The following PTPRZ1 variants were observed in gnomAD, a reference collection of about 807,000 sequenced individuals.
PTPRZ1 encodes receptor-type tyrosine-protein phosphatase zeta.
Under a neutral mutation model 214.1 loss-of-function variants are expected in PTPRZ1, and 82 were observed. The observed-to-expected ratio is 0.38, with a 90% CI of 0.32 to 0.46. The LOEUF is 0.46. PTPRZ1 is among the 20% of genes least tolerant of loss of function. The pLI is 1.00. For missense variants in PTPRZ1, 2,603 were observed against 2,748.7 expected, an observed-to-expected ratio of 0.95 and a Z score of 1.19; for synonymous variants, 945 against 987.9, an observed-to-expected ratio of 0.96 and a Z score of 0.81.
chr7:121,919,833 T>C (rs1472518129), intron 1 of PTPRZ1, among the ~76,000 whole-genome samples: 1 of 143,956 alleles, frequency 6.9e-6, no homozygotes, highest in African/African-American at 2.7e-5. Flanking sequence ...TTTTTAGTAA[T>C]TGATTAACCA....
chr7:121,949,977 T>C (rs1796503054), intron 2 of PTPRZ1, among the ~76,000 whole-genome samples: 1 of 152,208 alleles, frequency 6.6e-6, no homozygotes, highest in Admixed American at 6.5e-5. Context: ...AATTGAACTG[T>C]ATTAGCCCAT....
At chr7:122,027,899 G>C (rs544162552) in intron 13 of PTPRZ1, among the ~76,000 whole-genome samples, 5 of 152,192 alleles carry the variant, frequency 3.3e-5, no homozygotes, top group African/African-American at 2.4e-5. Context: ...CCTATTTTTG[G>C]TTGTATGCTC....
chr7:121,891,626 A>G (rs565562295), intron 1 of PTPRZ1, among the ~76,000 whole-genome samples: 2 of 151,758 alleles, frequency 1.3e-5, no homozygotes, highest in Non-Finnish European at 2.9e-5. Context: ...TGCAAACATC[A>G]TATAATCACA....
intron 3 of PTPRZ1, among the ~76,000 whole-genome samples, chr7:121,969,989 C>A (rs529214798): frequency 7.5e-6 from 1 of 133,596 alleles, no homozygotes; most frequent in African/African-American, 2.8e-5. Context: ...GTGTGATGTT[C>A]CCCTTCCTGT....
At chr7:122,035,042 TC>T in intron 17 of PTPRZ1, among the ~76,000 whole-genome samples, 1 of 152,228 alleles carries the variant, frequency 6.6e-6, no homozygotes, top group South Asian at 2.1e-4. Context: ...CCCCTTCATC[TC>T]CTAAAATTCA....
intron 1 of PTPRZ1, among the ~76,000 whole-genome samples, chr7:121,912,015 TAAA>T (rs1283750160): frequency 6.6e-6 from 1 of 152,074 alleles, no homozygotes; most frequent in Non-Finnish European, 1.5e-5. Flanking sequence ...ATATTTGAAA[TAAA>T]AAATTATGAT....
At chr7:121,891,977 C>T (rs1197701028) in intron 1 of PTPRZ1, among the ~76,000 whole-genome samples, 1 of 152,102 alleles carries the variant, frequency 6.6e-6, no homozygotes, top group Non-Finnish European at 1.5e-5. Flanking sequence ...AATGTAAATA[C>T]AAATTTGTTA....
At chr7:121,911,908 C>T (rs1049665823) in intron 1 of PTPRZ1, among the ~76,000 whole-genome samples, 50 of 151,526 alleles carry the variant, frequency 3.3e-4, no homozygotes, top group African/African-American at 1.2e-3. Context: ...ACATTTATTT[C>T]AGTGTAAGAA....
Position 122,019,162 on chromosome 7 carries a change from G to C in PTPRZ1, c.4882G>C (p.Ala1628Pro). ...NSSHESRIGL[A>P]EGLESEKKAV... ...TAGCCATGAGTCTCGTATTGGTCTA[G>C]CTGAGGGGTTGGAATCCGAGAAGAA... is the stretch of plus-strand genomic sequence containing the variant. Residue 1628 changes from alanine (A) to proline (P), a missense_variant, in exon 13 of 30, where the codon GCT becomes CCT. By Grantham distance (27) the Ala-to-Pro change is conservative. Coordinates refer to ENST00000393386, the MANE Select transcript of PTPRZ1 (RefSeq NM_002851.3). 1 of 1,612,342 alleles carries C rather than the reference G, an allele frequency of 6.2e-7. No individual in the cohort carries two copies. The highest frequency in any genetic ancestry group is 8.5e-7 in the Non-Finnish European group (1 of 1,178,484).
intron 12 of PTPRZ1, 137 bp from the exon 13 acceptor site, chr7:122,018,987 G>A (rs1160750295): frequency 1.3e-6 from 1 of 779,926 alleles, no homozygotes. Flanking sequence ...GCTTATAATT[G>A]TAGACATTCT....
At chr7:121,956,821 G>A (rs1796721082) in intron 2 of PTPRZ1, among the ~76,000 whole-genome samples, 1 of 152,152 alleles carries the variant, frequency 6.6e-6, no homozygotes, top group Admixed American at 6.5e-5. Context: ...TTCCTCCTGG[G>A]AACCAAGAGG....
chr7:121,911,258 A>G (rs1795267562), intron 1 of PTPRZ1, among the ~76,000 whole-genome samples: 1 of 152,102 alleles, frequency 6.6e-6, no homozygotes, highest in South Asian at 2.1e-4. Context: ...ATAAAGTTTG[A>G]TTTGAAAATA....
intron 9 of PTPRZ1, 41 bp from the exon 10 acceptor site, chr7:121,997,839 T>G: frequency 6.4e-7 from 1 of 1,565,132 alleles, no homozygotes; most frequent in South Asian, 1.1e-5. Flanking sequence ...GGTAGTCCTA[T>G]GAGAATAACA....
At chr7:121,957,985 T>C (rs1796760745) in intron 2 of PTPRZ1, among the ~76,000 whole-genome samples, 2 of 152,230 alleles carry the variant, frequency 1.3e-5, no homozygotes, top group Admixed American at 6.5e-5. Flanking sequence ...TCATCAACTT[T>C]CCATAACTTC....
chr7:121,893,372 G>A (rs1286555701), intron 1 of PTPRZ1, among the ~76,000 whole-genome samples: 1 of 152,190 alleles, frequency 6.6e-6, no homozygotes, highest in Non-Finnish European at 1.5e-5. Flanking sequence ...TTGCACCGTG[G>A]TGTCGACATC....
At chr7:121,959,673 A>T (rs1796818204) in intron 2 of PTPRZ1, among the ~76,000 whole-genome samples, 1 of 152,212 alleles carries the variant, frequency 6.6e-6, no homozygotes, top group Admixed American at 6.5e-5. Context: ...GCATCTAAAA[A>T]GTGTCTTCTT....
chr7:122,012,350 TC>T lies in PTPRZ1; in HGVS notation c.3307del (p.Ala1104LeufsTer157). 1 of 1,613,838 alleles carries T rather than the reference TC, an allele frequency of 6.2e-7. No homozygotes were observed. Among genetic ancestry groups the T allele is most frequent in the Non-Finnish European group, 8.5e-7 (1 of 1,179,858 alleles). Reference protein sequence around the residue: ...ISSTKGMFPGSLAHTTTKVFD... With the variant: ...ISSTKGMFPGXLAHTTTKVFD... ...TAGCACCAAGGGCATGTTTCCAGGG[TC>T]CCTTGCTCATACCACCACTAAGGTT... On this transcript the variant is annotated frameshift_variant, in exon 12 of 30. Transcript: ENST00000393386. LOFTEE classifies it high-confidence loss of function.
At chr7:121,953,275 G>A in intron 2 of PTPRZ1, among the ~76,000 whole-genome samples, 1 of 152,156 alleles carries the variant, frequency 6.6e-6, no homozygotes, top group South Asian at 2.1e-4. Flanking sequence ...AATTGCTTGT[G>A]AAGAAATACA....
At chr7:122,043,218 G>A (rs1799784514) in intron 22 of PTPRZ1, among the ~76,000 whole-genome samples, 1 of 152,124 alleles carries the variant, frequency 6.6e-6, no homozygotes, top group Non-Finnish European at 1.5e-5. Flanking sequence ...CATGACACCA[G>A]TAACTGCAGC....
Sources: allele counts gnomAD v4.1 joint callset (sites outside exome capture counted in the v4.1 genomes callset), GRCh38; gene constraint gnomAD v4.1.1; transcripts MANE v1.5; gene names NCBI Gene and HGNC (gene_info 2026-07-23, HGNC 2026-07-21).